Variants in GGA1 observed in about 807,000 individuals in gnomAD.
GGA1 encodes the protein golgi associated, gamma adaptin ear containing, ARF binding protein 1, also known as ADP-ribosylation factor-binding protein GGA1.
Under a neutral mutation model 76.9 loss-of-function variants are expected in GGA1, and 18 were observed. That is an observed-to-expected ratio of 0.23 (90% confidence interval 0.16 to 0.35). The LOEUF is 0.35. Ranked by LOEUF, GGA1 falls within the 10% of genes least tolerant of loss-of-function variation. The probability of loss-of-function intolerance (pLI) is 1.00; values close to 1 mark genes in which losing one functional copy is unlikely to be tolerated. For synonymous variants in GGA1, 342 were observed against 354.7 expected (o/e 0.96, Z 0.40); for missense variants, 755 against 859.0 (o/e 0.88, Z 1.51).
intron 1 of GGA1, chr22:37,609,259 T>C (rs71317059): frequency 0.036 from 41,229 of 1,152,910 alleles, 2,958 homozygotes; most frequent in African/African-American, 0.28. Flanking sequence ...CGCGAGCGGT[T>C]CCCCGGGGTT....
In GGA1 at chr22:37,620,232, C is replaced by T. The variant is rs754655204; in HGVS notation, c.304-6C>T. 6.2e-7 allele frequency: 1 copy of T among 1,614,006 alleles called. No individual in the cohort carries two copies. Among genetic ancestry groups the T allele is most frequent in the Non-Finnish European group, 8.5e-7 (1 of 1,179,940 alleles). On this transcript the variant is annotated splice_region_variant and splice_polypyrimidine_tract_variant and intron_variant, in intron 4 of 16. Transcript: ENST00000343632. The stretch of plus-strand genomic sequence containing the variant: ...TATCAAAGGCCTCCCCACTGTGTCC[C>T]TGAAGTATCTGGGCTCTCGGACATC...
chr22:37,619,227 G>A (rs994186034), intron 4 of GGA1, among the ~76,000 whole-genome samples: 27 of 151,904 alleles, frequency 1.8e-4, no homozygotes, highest in Non-Finnish European at 5.9e-5. Context: ...CACCATGCCC[G>A]GCTAATTTTT....
chr22:37,630,959 G>C lies in GGA1; in HGVS notation c.1388G>C (p.Ser463Thr). The C allele has an allele frequency of 1.9e-6, 3 of 1,613,316 alleles. No homozygotes were observed. Among genetic ancestry groups the C allele is most frequent in the Non-Finnish European group, 2.5e-6 (3 of 1,179,772 alleles). The change falls in exon 14 of 17, where the codon AGC becomes ACC. Residue 463 changes from serine (S) to threonine (T), a missense_variant. By Grantham distance (58) the Ser-to-Thr change is moderately conservative. Transcript: ENST00000343632. ...CTCCGGGACCTGCAGAATAAGAGCA[G>C]CAGCTGCAGCTCCCCCAGCTCCAGC... ...LTLRDLQNKSSSCSSPSSSAT... is the reference protein window; with the variant it reads ...LTLRDLQNKSTSCSSPSSSAT...
At chr22:37,617,760 C>T (rs183295196) in intron 3 of GGA1, 21 of 908,296 alleles carry the variant, frequency 2.3e-5, no homozygotes, top group East Asian at 1.2e-4. Flanking sequence ...TATAACTAGT[C>T]CTATGATTTC....
intron 14 of GGA1, among the ~76,000 whole-genome samples, chr22:37,631,745 G>A (rs1359772343): frequency 6.6e-6 from 1 of 152,162 alleles, no homozygotes; most frequent in Non-Finnish European, 1.5e-5. Context: ...GGGGGAAGCT[G>A]GGCTGTGACT....
chr22:37,623,340 T>C lies in GGA1; in HGVS notation c.623T>C (p.Met208Thr). The change falls in exon 8 of 17, where the codon ATG becomes ACG. Residue 208 changes from methionine to threonine, a missense_variant. Coordinates refer to ENST00000343632, the MANE Select transcript of GGA1 (RefSeq NM_013365.5). The surrounding 1 kb of genome is among the most constrained non-coding windows in gnomAD (Gnocchi z 4.6). Reference sequence around the variant, plus strand: ...ATGTGTCCCCAGGACCAGAAGCGGATGGAGAAGATCTCGAAGAGGGTGAAT... The same window carrying C: ...ATGTGTCCCCAGGACCAGAAGCGGACGGAGAAGATCTCGAAGAGGGTGAAT... ...KEMVQEDQKRMEKISKRVNAI... is the reference protein window; with the variant it reads ...KEMVQEDQKRTEKISKRVNAI... 6.2e-7 allele frequency: 1 copy of C among 1,614,066 alleles called. No homozygotes were observed. The highest frequency in any genetic ancestry group is 8.5e-7 in the Non-Finnish European group (1 of 1,179,982).
Position 37,608,880 on chromosome 22 carries a change from C to T in GGA1, c.20C>T (p.Pro7Leu). The change falls in exon 1 of 17, where the codon CCG becomes CTG. Residue 7 changes from proline to leucine, a missense_variant. Coordinates refer to ENST00000343632, the MANE Select transcript of GGA1 (RefSeq NM_013365.5). ...TGGCGGATGGAGCCCGCGATGGAGC[C>T]GGAGACTCTGGAGGCGCGAATCAGT... is the stretch of plus-strand genomic sequence containing the variant. MEPAMEPETLEARINRA... is the reference protein window; with the variant it reads MEPAMELETLEARINRA... 7.6e-7 allele frequency: 1 copy of T among 1,309,750 alleles called. No homozygotes were observed. Among genetic ancestry groups the T allele is most frequent in the Non-Finnish European group, 9.7e-7 (1 of 1,029,732 alleles). 81.1% of individuals were successfully genotyped at this position (1,309,750 alleles called of 1,614,324 possible). A position where few individuals can be genotyped will look rare whatever the true frequency, so the allele number is the denominator to read the frequency against.
At chr22:37,621,809 C>T in intron 7 of GGA1, 113 bp downstream of exon 7, 1 of 664,574 alleles carries the variant, frequency 1.5e-6, no homozygotes. Context: ...GTGACCCGGG[C>T]TGGCACAGCA....
At chr22:37,616,780 C>A in intron 2 of GGA1, 142 bp from the exon 3 acceptor site, 1 of 983,586 alleles carries the variant, frequency 1.0e-6, no homozygotes, top group Non-Finnish European at 1.4e-6. Context: ...GAAGTCTCGG[C>A]GGCGGGCTGG....
rs1489458250 is a variant in GGA1, at chr22:37,632,197, C to T, written c.1698+32C>T. 6.3e-7 allele frequency: 1 copy of T among 1,591,226 alleles called. No homozygotes were observed. Among genetic ancestry groups the T allele is most frequent in the Non-Finnish European group, 8.6e-7 (1 of 1,163,404 alleles). ...AGCCAGTCGGACAGGGCATGCCTCC[C>T]TCCTCTCAAGGCAGGGTGACATGGA... On this transcript the variant is annotated intron_variant, in intron 15 of 16. Coordinates refer to ENST00000343632, the MANE Select transcript of GGA1 (RefSeq NM_013365.5). The surrounding 1 kb of genome is among the most constrained non-coding windows in gnomAD (Gnocchi z 5.1).
chr22:37,632,666 G>T lies in GGA1; in HGVS notation c.1875G>T (p.Gly625=). ...TMGDQTYNEM[G]DVDQFPPPET... ...GTGACCAGACCTACAACGAGATGGG[G>T]GATGTGGACCAGTTCCCCCCACCTG... Residue 625 remains glycine, a synonymous_variant, in exon 17 of 17, where the codon GGG becomes GGT. Coordinates refer to ENST00000343632, the MANE Select transcript of GGA1 (RefSeq NM_013365.5). This position sits in a 1 kb window ranked among gnomAD's most constrained non-coding sequence, Gnocchi z 5.1. 1 of 1,613,122 alleles carries T rather than the reference G, an allele frequency of 6.2e-7. No homozygotes were observed. Among genetic ancestry groups the T allele is most frequent in the Non-Finnish European group, 8.5e-7 (1 of 1,179,366 alleles).
intron 3 of GGA1, chr22:37,617,597 GC>G: frequency 1.1e-6 from 1 of 918,992 alleles, no homozygotes. Context: ...ACTTGGGGAG[GC>G]CAAGGCAGGA....
chr22:37,624,296 A>C lies in GGA1; in HGVS notation c.832+663A>C, dbSNP rs1039150452. 1 of 155,152 alleles carries C rather than the reference A, an allele frequency of 6.4e-6. No individual in the cohort carries two copies. The highest frequency in any genetic ancestry group is 2.4e-5 in the African/African-American group (1 of 41,440). The allele number at this position is 155,152 out of a possible 1,614,324, so 9.6% of individuals were successfully genotyped here. On this transcript the variant is annotated intron_variant, in intron 9 of 16. Transcript: ENST00000343632. This position sits in a 1 kb window ranked among gnomAD's most constrained non-coding sequence, Gnocchi z 4.3. The stretch of plus-strand genomic sequence containing the variant: ...TGTTCTAGGCCCTCAGGGATCTGGC[A>C]CTGATCAAAGTTTGCAAAACGCCGG...
intron 2 of GGA1, among the ~76,000 whole-genome samples, chr22:37,616,181 A>C (rs1424262467): frequency 6.6e-6 from 1 of 152,128 alleles, no homozygotes; most frequent in Non-Finnish European, 1.5e-5. Flanking sequence ...GGCGATACTA[A>C]AGTTTCGGGA....
chr22:37,612,314 A>AC lies in GGA1; in HGVS notation c.44-1876_44-1875insC, dbSNP rs565913288. 3.5e-3 allele frequency among the ~76,000 whole-genome samples: 492 copies of AC among 140,466 alleles called. 4 individuals carry two copies. Among genetic ancestry groups the AC allele is most frequent in the African/African-American group, 0.012 (473 of 38,266 alleles). The allele number at this position is 140,466 out of a possible 152,430, so 92.2% of individuals were successfully genotyped here. A position where few individuals can be genotyped will look rare whatever the true frequency, so the allele number is the denominator to read the frequency against. On this transcript the variant is annotated intron_variant, in intron 1 of 16. Transcript: ENST00000343632. Reference sequence around the variant, plus strand: ...CCCGTCTCTACTAAAAATACAAAAAAAAAAAAAATTAGCCGGGCGTGGTGG... The same window carrying AC: ...CCCGTCTCTACTAAAAATACAAAAAACAAAAAAAATTAGCCGGGCGTGGTGG...
rs991130861 is a variant in GGA1, at chr22:37,623,061, G to T, written c.610-266G>T. ...GGGCCTTCAGAAGCACCTGGTGAGGGGTTTGGAAACCCAGGTTCCTGGGCC... is the reference window on the plus strand; with the variant it reads ...GGGCCTTCAGAAGCACCTGGTGAGGTGTTTGGAAACCCAGGTTCCTGGGCC... On this transcript the variant is annotated intron_variant, in intron 7 of 16. Coordinates refer to ENST00000343632, the MANE Select transcript of GGA1 (RefSeq NM_013365.5). The surrounding 1 kb of genome is among the most constrained non-coding windows in gnomAD (Gnocchi z 4.6). 6.6e-6 allele frequency among the ~76,000 whole-genome samples: 1 copy of T among 152,220 alleles called. No homozygotes were observed. The highest frequency in any genetic ancestry group is 1.5e-5 in the Non-Finnish European group (1 of 68,038).
rs771531497 is a variant in GGA1 at position 37,625,979 on chromosome 22, C to T, written c.1093+30C>T. 13 of 1,537,118 alleles carry T rather than the reference C, an allele frequency of 8.5e-6. No homozygotes were observed. The highest frequency in any genetic ancestry group is 8.1e-5 in the African/African-American group (6 of 73,672). ...GGAAGGGGCCAGGCCTGGAGGAGGG[C>T]GGGCTCAGCAGCAGATGGGGCATGA... is the stretch of plus-strand genomic sequence containing the variant. On this transcript the variant is annotated intron_variant, in intron 11 of 16. Transcript: ENST00000343632. The surrounding 1 kb of genome is among the most constrained non-coding windows in gnomAD (Gnocchi z 4.1).
intron 11 of GGA1, among the ~76,000 whole-genome samples, chr22:37,627,772 G>A (rs921562906): frequency 2.0e-5 from 3 of 152,246 alleles, no homozygotes; most frequent in Non-Finnish European, 2.9e-5. Flanking sequence ...CACAGGAGCC[G>A]GAAGTGCCAG....
At position 37,632,757 on chromosome 22, in the gene GGA1, T is replaced by G. The variant is rs1932051642; in HGVS notation, c.*46T>G. The G allele has an allele frequency of 2.6e-6, 3 of 1,173,444 alleles. No homozygotes were observed. The allele number at this position is 1,173,444 out of a possible 1,614,324, so 72.7% of individuals were successfully genotyped here. ...GAAGGGGCAGAGGGACCGGTCACTG[T>G]CCAGCCTGGAGGGAGGCATTGGTGG... On this transcript the variant is annotated 3_prime_UTR_variant, in exon 17 of 17. Transcript: ENST00000343632. The surrounding 1 kb of genome is among the most constrained non-coding windows in gnomAD (Gnocchi z 5.1).
Sources: allele counts gnomAD v4.1 joint callset (sites outside exome capture counted in the v4.1 genomes callset), GRCh38; gene constraint gnomAD v4.1.1; non-coding constraint Gnocchi (gnomAD v3.1); transcripts MANE v1.5; gene names NCBI Gene and HGNC (gene_info 2026-07-23, HGNC 2026-07-21).